The following NRXN1 variants were observed in gnomAD, a reference collection of about 807,000 sequenced individuals.
NRXN1 encodes neurexin-1.
In NRXN1, 39 loss-of-function variants were observed where a neutral mutation model predicts 150.9. The ratio of observed to expected loss-of-function variants is 0.26; its 90% CI spans 0.20 to 0.34. The LOEUF is 0.34. Ranked by LOEUF, NRXN1 falls within the 10% of genes least tolerant of loss-of-function variation. The pLI, the probability that NRXN1 is intolerant of heterozygous loss-of-function variation, is 1.00. For missense variants in NRXN1, 1,815 were observed against 1,949.9 expected (o/e 0.93, Z 1.30); for synonymous variants, 924 against 757.0 (o/e 1.22, Z -3.62).
intron 21 of NRXN1, among the ~76,000 whole-genome samples, chr2:49,983,269 C>T (rs1403063767): frequency 1.3e-5 from 2 of 152,218 alleles, no homozygotes; most frequent in South Asian, 2.1e-4. Context: ...ATCTTTGGAA[C>T]ATCAGCTTCT....
At chr2:50,285,936 G>C (rs935892239) in intron 17 of NRXN1, among the ~76,000 whole-genome samples, 1 of 151,640 alleles carries the variant, frequency 6.6e-6, no homozygotes, top group Admixed American at 6.6e-5. Context: ...AACTGTTATA[G>C]AGAATAATAG....
chr2:50,915,499 A>C lies in NRXN1; in HGVS notation c.832+6370T>G, dbSNP rs954677801. ...CATCCTCATTATTGTATGTAAGATA[A>C]ATGTTAAAGTGTAAAGAGTAACAGA... On this transcript the variant is annotated intron_variant, in intron 5 of 22. Coordinates refer to ENST00000401669, the MANE Select transcript of NRXN1 (RefSeq NM_001330078.2). 5.3e-5 allele frequency among the ~76,000 whole-genome samples: 8 copies of C among 151,706 alleles called. No individual in the cohort carries two copies. In the South Asian group the frequency reaches 1.7e-3, roughly 31 times the overall value.
chr2:50,707,185 G>A (rs1423491535), intron 5 of NRXN1, among the ~76,000 whole-genome samples: 1 of 152,110 alleles, frequency 6.6e-6, no homozygotes, highest in East Asian at 1.9e-4. Context: ...GGAAGAAATT[G>A]CATTTCCCAG....
At chr2:50,511,314 C>G (rs1249813559) in intron 12 of NRXN1, among the ~76,000 whole-genome samples, 2 of 152,178 alleles carry the variant, frequency 1.3e-5, no homozygotes, top group East Asian at 3.9e-4. Context: ...CTTGGCCTAC[C>G]AAAGTGCTGG....
chr2:50,583,296 C>T (rs1672583695), intron 8 of NRXN1, among the ~76,000 whole-genome samples: 1 of 152,154 alleles, frequency 6.6e-6, no homozygotes. Flanking sequence ...CTTGCCTCAG[C>T]CTCCCAAACT....
At chr2:50,294,577 C>T (rs550129389) in intron 17 of NRXN1, among the ~76,000 whole-genome samples, 2 of 152,046 alleles carry the variant, frequency 1.3e-5, no homozygotes, top group African/African-American at 2.4e-5. Flanking sequence ...CCTAAATCAG[C>T]GATACAACAA....
intron 5 of NRXN1, among the ~76,000 whole-genome samples, chr2:50,782,488 C>G (rs957803415): frequency 2.6e-5 from 4 of 151,512 alleles, no homozygotes; most frequent in African/African-American, 9.7e-5. Flanking sequence ...AACAAACAAA[C>G]AGCAAAAGAA....
At chr2:50,209,673 A>G (rs867039903) in intron 18 of NRXN1, among the ~76,000 whole-genome samples, 5 of 152,270 alleles carry the variant, frequency 3.3e-5, no homozygotes, top group South Asian at 4.1e-4. Flanking sequence ...TCTTACAACT[A>G]AAGTATGTAT....
intron 17 of NRXN1, among the ~76,000 whole-genome samples, chr2:50,359,949 T>C (rs545008844): frequency 3.3e-5 from 5 of 152,320 alleles, no homozygotes; most frequent in African/African-American, 9.6e-5. Context: ...TGGGGATCAA[T>C]ATTCAACATT....
rs1039714221 is a variant in NRXN1 at position 50,538,238 on chromosome 2, G to A, written c.2143+15C>T. The stretch of plus-strand genomic sequence containing the variant: ...TCATCTCAGGGAGTTGGCTGCTGGG[G>A]TTTTAGAATCCTACCTCTCTCACAG... On this transcript the variant is annotated intron_variant, in intron 10 of 22. Transcript: ENST00000401669. 1.9e-6 allele frequency: 3 copies of A among 1,601,342 alleles called. No individual in the cohort carries two copies. The highest frequency in any genetic ancestry group is 2.6e-6 in the Non-Finnish European group (3 of 1,171,674).
chr2:50,502,654 C>T (rs889057205), intron 13 of NRXN1, among the ~76,000 whole-genome samples: 7 of 152,026 alleles, frequency 4.6e-5, no homozygotes, highest in Non-Finnish European at 7.4e-5. Flanking sequence ...TGGATGAAAA[C>T]ATATGAAAGT....
At chr2:50,260,628 CGT>C (rs1491118832) in intron 17 of NRXN1, among the ~76,000 whole-genome samples, 55 of 107,920 alleles carry the variant, frequency 5.1e-4, no homozygotes, top group African/African-American at 2.1e-3. Flanking sequence ...TTTTTTTTTC[CGT>C]TTTTTTTTTT....
chr2:50,988,090 G>C (rs776652897), intron 2 of NRXN1, among the ~76,000 whole-genome samples: 1 of 151,946 alleles, frequency 6.6e-6, no homozygotes, highest in African/African-American at 2.4e-5. Context: ...ATGCAACAGT[G>C]CTTTAATAAG....
At chr2:50,589,889 C>G (rs1031160736) in intron 8 of NRXN1, among the ~76,000 whole-genome samples, 1 of 152,152 alleles carries the variant, frequency 6.6e-6, no homozygotes, top group Non-Finnish European at 1.5e-5. Flanking sequence ...CACGTGCACC[C>G]TCATTAGACT....
chr2:50,480,656 A>G (rs1276077155), intron 15 of NRXN1, among the ~76,000 whole-genome samples: 1 of 152,164 alleles, frequency 6.6e-6, no homozygotes, highest in Non-Finnish European at 1.5e-5. Flanking sequence ...CCTTTGGGCC[A>G]CCACTCAAAG....
intron 17 of NRXN1, among the ~76,000 whole-genome samples, chr2:50,426,164 G>C (rs2084470001): frequency 6.6e-6 from 1 of 152,182 alleles, no homozygotes; most frequent in Non-Finnish European, 1.5e-5. Context: ...GTGGAAACTT[G>C]AAATTTCACT....
At chr2:50,261,222 T>A (rs1431424644) in intron 17 of NRXN1, among the ~76,000 whole-genome samples, 1 of 151,736 alleles carries the variant, frequency 6.6e-6, no homozygotes, top group Admixed American at 6.6e-5. Flanking sequence ...GGGAGGGAAG[T>A]AACATACACA....
At chr2:50,432,320 T>G (rs1479606682) in intron 17 of NRXN1, 1 of 152,232 alleles carries the variant, frequency 6.6e-6, no homozygotes, top group East Asian at 1.9e-4. Context: ...TCTTCTGCCT[T>G]CCATTTACCC....
At chr2:50,442,582 G>T (rs538965913) in intron 17 of NRXN1, among the ~76,000 whole-genome samples, 131 of 152,252 alleles carry the variant, frequency 8.6e-4, no homozygotes, top group Middle Eastern at 3.4e-3. Context: ...AGATACCTGT[G>T]AGATATACAA....
Sources: gnomAD v4.1 joint callset for allele counts (sites outside exome capture counted in the v4.1 genomes callset) on GRCh38, gnomAD v4.1.1 for gene constraint, MANE v1.5 for transcripts, NCBI Gene and HGNC (gene_info 2026-07-23, HGNC 2026-07-21) for gene names.